Variants in UBE3C observed in about 807,000 individuals in gnomAD.
The protein encoded by UBE3C is ubiquitin protein ligase E3C, also known as ubiquitin-protein ligase E3C.
UBE3C carries 42 observed loss-of-function variants against 129.4 expected under a neutral mutation model. That is an observed-to-expected ratio of 0.32 (90% CI 0.25 to 0.42). The LOEUF is 0.42. UBE3C is among the 10% of genes least tolerant of loss of function. The pLI is 1.00. For missense variants in UBE3C, 1,049 were observed against 1,319.1 expected (o/e 0.80, Z 3.17); for synonymous variants, 510 against 492.4 (o/e 1.04, Z -0.47).
At chr7:157,173,359 G>A (rs1563039940) in intron 4 of UBE3C, among the ~76,000 whole-genome samples, 1 of 150,160 alleles carries the variant, frequency 6.7e-6, no homozygotes, top group African/African-American at 2.5e-5. Flanking sequence ...CTGGGCGGTT[G>A]AATGTTGATT....
In UBE3C at chr7:157,192,341, G is replaced by A. The variant is rs1241951221; in HGVS notation, c.1331+5320G>A. 1.4e-5 allele frequency: 8 copies of A among 584,932 alleles called. No homozygotes were observed. In the East Asian group the frequency reaches 1.7e-4, roughly 13 times the overall value. 36.2% of individuals were successfully genotyped at this position (584,932 alleles called of 1,614,324 possible). ...AGAGAAGGGGCTTCCTTTTCGATCCGCCATCTGCGGTGGAGCCGCCACCAA... is the reference window on the plus strand; with the variant it reads ...AGAGAAGGGGCTTCCTTTTCGATCCACCATCTGCGGTGGAGCCGCCACCAA... On this transcript the variant is annotated intron_variant, in intron 10 of 22. Transcript: ENST00000348165.
intron 14 of UBE3C, among the ~76,000 whole-genome samples, chr7:157,218,004 C>CA (rs1222108993): frequency 1.3e-5 from 2 of 152,018 alleles, no homozygotes; most frequent in African/African-American, 2.4e-5. Context: ...GCCTGGGTGA[C>CA]AGAGCGAGAT....
chr7:157,158,454 A>G (rs186447172), intron 1 of UBE3C, among the ~76,000 whole-genome samples: 209 of 152,304 alleles, frequency 1.4e-3, no homozygotes, highest in African/African-American at 4.7e-3. Context: ...AGAACACTGC[A>G]TCTGTGCGTT....
At chr7:157,239,073 C>T (rs575433350) in intron 18 of UBE3C, among the ~76,000 whole-genome samples, 2 of 152,178 alleles carry the variant, frequency 1.3e-5, no homozygotes, top group Admixed American at 6.5e-5. Context: ...GGATTATCTT[C>T]CTAAAGCATC....
chr7:157,198,359 A>G lies in UBE3C; in HGVS notation c.1332-3362A>G, dbSNP rs146186008. 3.3e-3 allele frequency: 2,561 copies of G among 767,368 alleles called. 11 individuals are homozygous for G. The highest frequency in any genetic ancestry group is 4.0e-3 in the Non-Finnish European group (1,652 of 417,380). The allele number at this position is 767,368 out of a possible 1,614,324, so 47.5% of individuals were successfully genotyped here. The stretch of plus-strand genomic sequence containing the variant: ...ATCTTCATACAGTTCTTCCAAGGCC[A>G]GTTTATTTCTTGATATGTCATCCCT... On this transcript the variant is annotated intron_variant, in intron 10 of 22. Coordinates refer to ENST00000348165, the MANE Select transcript of UBE3C (RefSeq NM_014671.3).
intron 18 of UBE3C, among the ~76,000 whole-genome samples, chr7:157,233,012 CCCAAA>C (rs1796061879): frequency 6.6e-6 from 1 of 152,142 alleles, no homozygotes; most frequent in African/African-American, 2.4e-5. Flanking sequence ...ATGTCATCAT[CCCAAA>C]AAGGAAACGC....
chr7:157,227,301 C>T (rs1178715712), intron 17 of UBE3C, among the ~76,000 whole-genome samples: 1 of 152,110 alleles, frequency 6.6e-6, no homozygotes. Flanking sequence ...GCTCCGAGGG[C>T]ACGGGTGCTG....
Position 157,244,638 on chromosome 7 carries a change from C to T in UBE3C, c.2482-3730C>T, listed in dbSNP as rs891814764. Among the ~76,000 whole-genome samples, 29 of 152,176 alleles carry T rather than the reference C, an allele frequency of 1.9e-4. No individual in the cohort carries two copies. The East Asian group carries it at 2.1e-3, about 11-fold the overall frequency. ...GTAGTAAATTACTGAAGTTATTTGG[C>T]GGCAAACAGAAATGGTCTGTGATGT... On this transcript the variant is annotated intron_variant, in intron 18 of 22. Coordinates refer to ENST00000348165, the MANE Select transcript of UBE3C (RefSeq NM_014671.3).
intron 18 of UBE3C, among the ~76,000 whole-genome samples, chr7:157,240,556 G>A (rs1415180864): frequency 6.6e-6 from 1 of 152,176 alleles, no homozygotes; most frequent in Non-Finnish European, 1.5e-5. Flanking sequence ...TGACTAGGAT[G>A]TAGAGTCAGA....
chr7:157,177,085 A>G (rs547684893), intron 5 of UBE3C, among the ~76,000 whole-genome samples: 75 of 152,140 alleles, frequency 4.9e-4, no homozygotes, highest in Non-Finnish European at 9.4e-4. Flanking sequence ...GTAGTTATAT[A>G]TTTCACTTTA....
intron 1 of UBE3C, among the ~76,000 whole-genome samples, chr7:157,161,874 C>T (rs1481230718): frequency 2.0e-5 from 3 of 151,850 alleles, no homozygotes; most frequent in African/African-American, 7.2e-5. Context: ...GAGTTCGAGA[C>T]CAGCCTGGCC....
chr7:157,266,452 C>T (rs77925601), intron 22 of UBE3C, among the ~76,000 whole-genome samples: 3,421 of 152,244 alleles, frequency 0.022, 148 homozygotes, highest in African/African-American at 0.079. Flanking sequence ...ATGTCGTATG[C>T]TTCCCATTCC....
intron 18 of UBE3C, among the ~76,000 whole-genome samples, chr7:157,240,696 G>C (rs55961058): frequency 6.6e-6 from 1 of 152,120 alleles, no homozygotes; most frequent in Admixed American, 6.5e-5. Flanking sequence ...CGTGAATGGA[G>C]ATTTGAGGGC....
chr7:157,203,131 C>A lies in UBE3C; in HGVS notation c.1418+1324C>A, dbSNP rs114906110. Among the ~76,000 whole-genome samples, 287 of 152,240 alleles carry A rather than the reference C, an allele frequency of 1.9e-3. 2 individuals are homozygous for A. The highest frequency in any genetic ancestry group is 6.3e-3 in the African/African-American group (262 of 41,530). ...GGGACTGGTGTTCAAATCATCTGGACAAAACAGTTCATACTAATGAAAGGG... is the reference window on the plus strand; with the variant it reads ...GGGACTGGTGTTCAAATCATCTGGAAAAAACAGTTCATACTAATGAAAGGG... On this transcript the variant is annotated intron_variant, in intron 11 of 22. Coordinates refer to ENST00000348165, the MANE Select transcript of UBE3C (RefSeq NM_014671.3).
At chr7:157,152,051 T>C (rs567896017) in intron 1 of UBE3C, among the ~76,000 whole-genome samples, 2 of 152,320 alleles carry the variant, frequency 1.3e-5, no homozygotes, top group African/African-American at 4.8e-5. Context: ...TATTTACATA[T>C]TAACATTACT....
intron 11 of UBE3C, among the ~76,000 whole-genome samples, chr7:157,205,681 G>A (rs1809412346): frequency 6.6e-6 from 1 of 152,194 alleles, no homozygotes; most frequent in Admixed American, 6.5e-5. Flanking sequence ...AATTTTGGAA[G>A]AATGGCATTC....
chr7:157,164,460 T>C (rs1373335004), intron 2 of UBE3C: 1 of 456,688 alleles, frequency 2.2e-6, no homozygotes. Context: ...TGGCTGATGA[T>C]GTTGATGTTT....
intron 10 of UBE3C, among the ~76,000 whole-genome samples, chr7:157,191,482 G>A (rs1481778009): frequency 1.3e-5 from 2 of 152,122 alleles, no homozygotes; most frequent in African/African-American, 2.4e-5. Context: ...GTAGAAACGG[G>A]GTTTTGCCAT....
At chr7:157,267,143 G>T (rs1348384186) in intron 22 of UBE3C, among the ~76,000 whole-genome samples, 1 of 152,162 alleles carries the variant, frequency 6.6e-6, no homozygotes, top group Non-Finnish European at 1.5e-5. Context: ...GCAAATGTGG[G>T]CCAGGCACGG....
Sources: gnomAD v4.1 joint callset for allele counts (sites outside exome capture counted in the v4.1 genomes callset) on GRCh38, gnomAD v4.1.1 for gene constraint, MANE v1.5 for transcripts, NCBI Gene and HGNC (gene_info 2026-07-23, HGNC 2026-07-21) for gene names.